The following RANBP2 variants were observed in gnomAD, a reference collection of about 807,000 sequenced individuals.
RANBP2 encodes RAN binding protein 2.
Under a neutral mutation model 303.6 loss-of-function variants are expected in RANBP2, and 57 were observed. The ratio of observed to expected loss-of-function variants is 0.19; its 90% confidence interval spans 0.15 to 0.23. RANBP2 has a LOEUF of 0.23. RANBP2 is among the 10% of genes least tolerant of loss of function. The pLI, the probability that RANBP2 is intolerant of heterozygous loss-of-function variation, is 1.00. For synonymous variants in RANBP2, 1,167 were observed against 1,301.5 expected, an observed-to-expected ratio of 0.90 and a Z score of 2.23; for missense variants, 3,138 against 3,780.8, an observed-to-expected ratio of 0.83 and a Z score of 4.46.
chr2:109,596,873 A>C, the RANBP2 span, among the ~76,000 whole-genome samples: 1 of 152,234 alleles, frequency 6.6e-6, no homozygotes, highest in Non-Finnish European at 1.5e-5. Context: ...TTCCACTAGT[A>C]CTACTTGGTC....
At chr2:109,498,236 C>T in the RANBP2 span, among the ~76,000 whole-genome samples, 38,819 of 152,068 alleles carry the variant, frequency 0.26, 5,304 homozygotes, top group East Asian at 0.5. Flanking sequence ...ATCGTGCACC[C>T]GTAGATGCTC....
the RANBP2 span, among the ~76,000 whole-genome samples, chr2:109,566,493 T>C: frequency 0.039 from 5,877 of 152,156 alleles, 398 homozygotes; most frequent in African/African-American, 0.13. Flanking sequence ...AAATTACACA[T>C]ACACACACCC....
chr2:109,129,162 C>G, the RANBP2 span: 25 of 420,280 alleles, frequency 5.9e-5, no homozygotes, highest in African/African-American at 4.5e-4. Flanking sequence ...GCTGCCCGCA[C>G]TTCCTGCCGC....
intron 23 of RANBP2, 50 bp from the exon 24 acceptor site, chr2:108,775,682 T>C (rs1197419080): frequency 1.3e-6 from 2 of 1,581,320 alleles, no homozygotes; most frequent in Admixed American, 3.3e-5. Context: ...TAATCTGTTT[T>C]GTAAATTAGC....
the RANBP2 span, among the ~76,000 whole-genome samples, chr2:109,260,039 G>A: frequency 6.6e-6 from 1 of 152,072 alleles, no homozygotes; most frequent in African/African-American, 2.4e-5. Flanking sequence ...TAATTTTTTT[G>A]GTGGAGGGTT....
chr2:108,813,241 TC>T, the RANBP2 span, among the ~76,000 whole-genome samples: 1 of 85,954 alleles, frequency 1.2e-5, no homozygotes, highest in Non-Finnish European at 2.0e-5. Context: ...AGAGTGAGAC[TC>T]CGTCTCAAAA....
chr2:108,935,380 G>A, the RANBP2 span, among the ~76,000 whole-genome samples: 1 of 152,144 alleles, frequency 6.6e-6, no homozygotes, highest in African/African-American at 2.4e-5. Flanking sequence ...CATTAGAAAT[G>A]CAGAATCTCA....
the RANBP2 span, chr2:108,798,526 C>T: frequency 2.0e-5 from 33 of 1,613,696 alleles, no homozygotes; most frequent in Admixed American, 5.3e-4. Flanking sequence ...ATGAAAATGC[C>T]TTGAGTAAAA....
the RANBP2 span, among the ~76,000 whole-genome samples, chr2:109,589,777 T>C: frequency 2.0e-5 from 3 of 151,860 alleles, no homozygotes; most frequent in African/African-American, 7.3e-5. Context: ...AATGAAAACA[T>C]ATGTCCACCC....
the RANBP2 span, among the ~76,000 whole-genome samples, chr2:108,799,852 C>T: frequency 6.6e-6 from 1 of 152,026 alleles, no homozygotes; most frequent in South Asian, 2.1e-4. Flanking sequence ...CTTGATCCAT[C>T]TTAAAGTTCA....
At chr2:108,962,793 C>A in the RANBP2 span, among the ~76,000 whole-genome samples, 3 of 152,038 alleles carry the variant, frequency 2.0e-5, no homozygotes, top group Non-Finnish European at 2.9e-5. Context: ...TCAAAACCAA[C>A]CGCAGTACCA....
chr2:109,672,512 A>G, the RANBP2 span, among the ~76,000 whole-genome samples: 1 of 152,210 alleles, frequency 6.6e-6, no homozygotes, highest in Non-Finnish European at 1.5e-5. Flanking sequence ...ATAACCAAAA[A>G]CAAGGCTTTA....
chr2:109,581,105 C>T, the RANBP2 span, among the ~76,000 whole-genome samples: 413 of 152,288 alleles, frequency 2.7e-3, 1 homozygote, highest in African/African-American at 9.4e-3. Flanking sequence ...TTACAACATG[C>T]TATATGCTTC....
chr2:108,949,047 G>A, the RANBP2 span, among the ~76,000 whole-genome samples: 2 of 152,136 alleles, frequency 1.3e-5, no homozygotes, highest in African/African-American at 4.8e-5. Context: ...TACAATCATG[G>A]CTTCACTGCA....
At chr2:109,155,099 C>T in the RANBP2 span, among the ~76,000 whole-genome samples, 4 of 152,188 alleles carry the variant, frequency 2.6e-5, no homozygotes, top group African/African-American at 9.7e-5. Flanking sequence ...GCAAGGGTTC[C>T]ATGAGCCACA....
the RANBP2 span, among the ~76,000 whole-genome samples, chr2:109,012,383 T>C: frequency 2.0e-5 from 3 of 152,162 alleles, no homozygotes; most frequent in Non-Finnish European, 2.9e-5. Context: ...TCTTCAGGCG[T>C]ACCTGGCATC....
chr2:108,826,156 G>A, the RANBP2 span, among the ~76,000 whole-genome samples: 1 of 152,048 alleles, frequency 6.6e-6, no homozygotes, highest in East Asian at 1.9e-4. Flanking sequence ...TATTCAAGAT[G>A]GATGTACCTT....
chr2:108,809,251 A>G, the RANBP2 span, among the ~76,000 whole-genome samples: 1 of 152,124 alleles, frequency 6.6e-6, no homozygotes, highest in Non-Finnish European at 1.5e-5. Flanking sequence ...AGGTAGTGTA[A>G]TGCCTCCAGT....
chr2:109,052,498 C>T, the RANBP2 span, among the ~76,000 whole-genome samples: 7 of 152,150 alleles, frequency 4.6e-5, no homozygotes, highest in African/African-American at 1.2e-4. Flanking sequence ...GTCTGATTTT[C>T]GAAAGCAGCA....
Sources: gnomAD v4.1 joint callset for allele counts (sites outside exome capture counted in the v4.1 genomes callset) on GRCh38, gnomAD v4.1.1 for gene constraint, MANE v1.5 for transcripts, NCBI Gene and HGNC (gene_info 2026-07-23, HGNC 2026-07-21) for gene names.